The following LRRC28 variants were observed in gnomAD, a reference collection of about 807,000 sequenced individuals.
The protein encoded by LRRC28 is leucine-rich repeat-containing protein 28.
A neutral mutation model predicts 45.7 loss-of-function variants in LRRC28; 39 were observed. The observed-to-expected ratio is 0.85, with a 90% confidence interval of 0.66 to 1.12. LRRC28 has a LOEUF of 1.12. LRRC28 is among the 50% of genes most tolerant of loss of function. LRRC28 has a pLI of 0.00. For missense variants in LRRC28, 435 were observed against 438.5 expected (o/e 0.99, Z 0.07); for synonymous variants, 206 against 178.8 (o/e 1.15, Z -1.22).
chr15:99,289,144 C>T (rs892322303), intron 5 of LRRC28, among the ~76,000 whole-genome samples: 2 of 152,060 alleles, frequency 1.3e-5, no homozygotes, highest in Non-Finnish European at 2.9e-5. Flanking sequence ...TGAGAGCCAC[C>T]ATTAAACCCT....
chr15:99,361,318 ATGTG>A lies in LRRC28; in HGVS notation c.696-14_696-11del. 1 of 1,604,298 alleles carries A rather than the reference ATGTG, an allele frequency of 6.2e-7. No homozygotes were observed. The highest frequency in any genetic ancestry group is 8.5e-7 in the Non-Finnish European group (1 of 1,176,156). On this transcript the variant is annotated splice_polypyrimidine_tract_variant and intron_variant, in intron 7 of 9. Coordinates refer to ENST00000301981, the MANE Select transcript of LRRC28 (RefSeq NM_144598.5). ...TTCCTTATTGCTAATAATACTGTGA[ATGTG>A]TGTCTTTCTGCAGCTGTGGTGCTCC...
chr15:99,290,979 A>G (rs1182421491), intron 5 of LRRC28, among the ~76,000 whole-genome samples: 1 of 152,130 alleles, frequency 6.6e-6, no homozygotes, highest in Non-Finnish European at 1.5e-5. Flanking sequence ...AAACCCCCAC[A>G]AAAAACAATT....
intron 5 of LRRC28, among the ~76,000 whole-genome samples, chr15:99,298,065 A>G (rs34429509): frequency 0.096 from 14,619 of 151,846 alleles, 1,008 homozygotes; most frequent in East Asian, 0.33. Context: ...AAAAAAAGGC[A>G]AAAGAAGAAA....
Position 99,390,275 on chromosome 15 carries a change from A to G in LRRC28, c.*4173A>G, listed in dbSNP as rs1433634308. 1.3e-5 allele frequency: 2 copies of G among 152,268 alleles called. No individual in the cohort carries two copies. Among genetic ancestry groups the G allele is most frequent in the African/African-American group, 2.4e-5 (1 of 41,462 alleles). 9.4% of individuals were successfully genotyped at this position (152,268 alleles called of 1,614,324 possible). ...CTCGGTCAGGAAAAGAGCTTGCTTC[A>G]CAGCCTTTGAAGTATGACTGTATGT... is the stretch of plus-strand genomic sequence containing the variant. On this transcript the variant is annotated 3_prime_UTR_variant, in exon 10 of 10. Coordinates refer to ENST00000301981, the MANE Select transcript of LRRC28 (RefSeq NM_144598.5).
intron 5 of LRRC28, among the ~76,000 whole-genome samples, chr15:99,315,595 T>G (rs1227967370): frequency 2.0e-5 from 3 of 152,206 alleles, no homozygotes; most frequent in Non-Finnish European, 2.9e-5. Context: ...CCAATCATTT[T>G]TTTCTTTTTA....
chr15:99,329,055 CTA>C (rs1956076306), intron 5 of LRRC28, among the ~76,000 whole-genome samples: 1 of 152,120 alleles, frequency 6.6e-6, no homozygotes, highest in Non-Finnish European at 1.5e-5. Flanking sequence ...TTGAAAAACT[CTA>C]ATACAGATTT....
At chr15:99,270,294 AAAT>A (rs2081440681) in intron 2 of LRRC28, among the ~76,000 whole-genome samples, 1 of 152,176 alleles carries the variant, frequency 6.6e-6, no homozygotes, top group Non-Finnish European at 1.5e-5. Flanking sequence ...ACATAACATA[AAAT>A]TAATCCTATT....
In LRRC28 at chr15:99,308,301, C is replaced by T. The variant is rs140002766; in HGVS notation, c.385+20350C>T. Among the ~76,000 whole-genome samples, 603 of 152,012 alleles carry T rather than the reference C, an allele frequency of 4.0e-3. 3 individuals carry two copies. The highest frequency in any genetic ancestry group is 0.013 in the African/African-American group (543 of 41,442). On this transcript the variant is annotated intron_variant, in intron 5 of 9. Transcript: ENST00000301981. ...ATTCTCAGTAGTGTTTTTTCCAAGT[C>T]GTTAACATAAATACTTAATCTTTAA...
intron 5 of LRRC28, among the ~76,000 whole-genome samples, chr15:99,295,011 TTCCC>T (rs1379108529): frequency 2.6e-5 from 4 of 152,244 alleles, no homozygotes; most frequent in Non-Finnish European, 5.9e-5. Flanking sequence ...GCCTCTTGTG[TTCCC>T]TAGATTTTAA....
At chr15:99,356,501 A>G (rs537693298) in intron 7 of LRRC28, among the ~76,000 whole-genome samples, 1 of 152,350 alleles carries the variant, frequency 6.6e-6, no homozygotes, top group Admixed American at 6.5e-5. Context: ...TCTGAAGGAC[A>G]CATAGAAAAG....
At chr15:99,369,593 C>T (rs1385393283) in intron 9 of LRRC28, among the ~76,000 whole-genome samples, 1 of 152,100 alleles carries the variant, frequency 6.6e-6, no homozygotes, top group African/African-American at 2.4e-5. Flanking sequence ...CTCTTAAGGC[C>T]TTCAACTAAT....
Position 99,386,880 on chromosome 15 carries a change from C to T in LRRC28, c.*778C>T, listed in dbSNP as rs1457422858. ...AGAAGAATTTGAGGAATATTTGAAG[C>T]TTTACAAGATCTGATTTTTTTCTTT... On this transcript the variant is annotated 3_prime_UTR_variant, in exon 10 of 10. Transcript: ENST00000301981. The T allele has an allele frequency of 6.6e-6, 1 of 152,062 alleles. No individual in the cohort carries two copies. The highest frequency in any genetic ancestry group is 1.9e-4 in the East Asian group (1 of 5,204). The allele number at this position is 152,062 out of a possible 1,614,324, so 9.4% of individuals were successfully genotyped here. A position where few individuals can be genotyped will look rare whatever the true frequency, so the allele number is the denominator to read the frequency against.
intron 5 of LRRC28, among the ~76,000 whole-genome samples, chr15:99,289,201 C>T (rs373999806): frequency 1.3e-5 from 2 of 151,794 alleles, no homozygotes; most frequent in African/African-American, 4.8e-5. Context: ...TGTGAATCCA[C>T]GTATTAGCAA....
At chr15:99,304,555 T>G (rs1955109969) in intron 5 of LRRC28, among the ~76,000 whole-genome samples, 1 of 152,106 alleles carries the variant, frequency 6.6e-6, no homozygotes, top group South Asian at 2.1e-4. Flanking sequence ...CTCAGTCTCC[T>G]GAGTAGCTGG....
chr15:99,277,842 T>G (rs1168127127), intron 3 of LRRC28, among the ~76,000 whole-genome samples: 1 of 152,180 alleles, frequency 6.6e-6, no homozygotes, highest in African/African-American at 2.4e-5. Flanking sequence ...TTTAGTCTAC[T>G]TTTGCATCCT....
intron 5 of LRRC28, among the ~76,000 whole-genome samples, chr15:99,318,754 A>G (rs1955686795): frequency 6.6e-6 from 1 of 152,058 alleles, no homozygotes; most frequent in African/African-American, 2.4e-5. Context: ...AATATTTAGA[A>G]ATCAAAATTA....
In LRRC28 at chr15:99,389,263, A is replaced by C. The variant is rs1298136994; in HGVS notation, c.*3161A>C. 3.3e-5 allele frequency: 5 copies of C among 152,146 alleles called. No homozygotes were observed. Among genetic ancestry groups the C allele is most frequent in the Admixed American group, 6.5e-5 (1 of 15,286 alleles). The allele number at this position is 152,146 out of a possible 1,614,324, so 9.4% of individuals were successfully genotyped here. On this transcript the variant is annotated 3_prime_UTR_variant, in exon 10 of 10. Coordinates refer to ENST00000301981, the MANE Select transcript of LRRC28 (RefSeq NM_144598.5). ...TACCTCTCACTTCTGTTTTACGTTG[A>C]GCATTACGAATTAAAATCTTTACAG...
intron 2 of LRRC28, chr15:99,258,888 C>A: frequency 8.4e-6 from 6 of 711,060 alleles, no homozygotes; most frequent in South Asian, 8.3e-5. Flanking sequence ...TTCCGTGATA[C>A]GATGCCTAAG....
intron 2 of LRRC28, 161 bp downstream of exon 2, chr15:99,256,286 A>T (rs2081019624): frequency 1.8e-6 from 1 of 541,174 alleles, no homozygotes; most frequent in South Asian, 4.7e-5. Context: ...TTGGCTATGA[A>T]TTTGTTATCC....
Sources: gnomAD v4.1 joint callset for allele counts (sites outside exome capture counted in the v4.1 genomes callset) on GRCh38, gnomAD v4.1.1 for gene constraint, MANE v1.5 for transcripts, NCBI Gene and HGNC (gene_info 2026-07-23, HGNC 2026-07-21) for gene names.